The following TAFA1 variants were observed in gnomAD, a reference collection of about 807,000 sequenced individuals.
The protein encoded by TAFA1 is chemokine-like protein TAFA-1.
Under a neutral mutation model 18.5 loss-of-function variants are expected in TAFA1, and 4 were observed. That is an observed-to-expected ratio of 0.22 (90% CI 0.11 to 0.49). TAFA1 has a LOEUF of 0.49. TAFA1 is among the 20% of genes least tolerant of loss of function. The pLI is 0.98. For missense variants in TAFA1, 147 were observed against 169.0 expected (o/e 0.87, Z 0.72); for synonymous variants, 56 against 55.2 (o/e 1.01, Z -0.06).
intron 2 of TAFA1, among the ~76,000 whole-genome samples, chr3:68,018,102 G>A (rs895051897): frequency 2.0e-5 from 3 of 152,148 alleles, no homozygotes; most frequent in Non-Finnish European, 4.4e-5. Context: ...AGAAACTTTT[G>A]TATCATTCCA....
intron 2 of TAFA1, among the ~76,000 whole-genome samples, chr3:68,150,723 A>G (rs755028920): frequency 2.6e-5 from 4 of 152,052 alleles, no homozygotes; most frequent in Non-Finnish European, 4.4e-5. Context: ...GAGTTAGGTT[A>G]TTTTTGATTG....
intron 3 of TAFA1, among the ~76,000 whole-genome samples, chr3:68,461,351 A>G (rs954996475): frequency 3.2e-5 from 4 of 125,506 alleles, no homozygotes; most frequent in Non-Finnish European, 6.5e-5. Context: ...ACCCAGGCCA[A>G]TGAAAGTGCA....
At chr3:68,502,652 G>T (rs2106710321) in intron 3 of TAFA1, among the ~76,000 whole-genome samples, 1 of 151,880 alleles carries the variant, frequency 6.6e-6, no homozygotes, top group Non-Finnish European at 1.5e-5. Flanking sequence ...ATTCCCCCCT[G>T]ATTCTCCCCA....
At chr3:68,114,697 C>T (rs1352543002) in intron 2 of TAFA1, among the ~76,000 whole-genome samples, 2 of 152,156 alleles carry the variant, frequency 1.3e-5, no homozygotes, top group African/African-American at 4.8e-5. Flanking sequence ...AAACATTTTA[C>T]AGACTAGCAA....
chr3:68,237,388 A>T (rs1164107190), intron 2 of TAFA1, among the ~76,000 whole-genome samples: 2 of 152,162 alleles, frequency 1.3e-5, no homozygotes, highest in African/African-American at 2.4e-5. Context: ...ATTTCAACAT[A>T]TGAATTTGGA....
At chr3:68,268,379 A>C (rs763243059) in intron 2 of TAFA1, among the ~76,000 whole-genome samples, 8 of 152,090 alleles carry the variant, frequency 5.3e-5, no homozygotes, top group Admixed American at 4.6e-4. Context: ...GAGACCAAAA[A>C]CGTGTGGCCC....
chr3:68,140,744 TAGTC>T (rs2065659172), intron 2 of TAFA1, among the ~76,000 whole-genome samples: 1 of 152,194 alleles, frequency 6.6e-6, no homozygotes, highest in South Asian at 2.1e-4. Flanking sequence ...TCAGTGGCAA[TAGTC>T]AGTATTAAAC....
chr3:68,517,172 T>TTCATCTCCAA (rs2072935834), intron 3 of TAFA1, among the ~76,000 whole-genome samples: 1 of 152,196 alleles, frequency 6.6e-6, no homozygotes, highest in Admixed American at 6.5e-5. Context: ...CAAAAATATA[T>TTCATCTCCAA]TCATCTCCAA....
intron 2 of TAFA1, among the ~76,000 whole-genome samples, chr3:68,271,135 C>A (rs1446996535): frequency 6.6e-6 from 1 of 152,084 alleles, no homozygotes; most frequent in Non-Finnish European, 1.5e-5. Context: ...CACCCTGCCC[C>A]TTCCCCCTTC....
chr3:68,461,368 T>TATATATATATATATATATAC (rs1415213044), intron 3 of TAFA1, among the ~76,000 whole-genome samples: 1 of 140,426 alleles, frequency 7.1e-6, no homozygotes, highest in Non-Finnish European at 1.5e-5. Flanking sequence ...TGCATATATA[T>TATATATATATATATATATAC]ATATATATAT....
At chr3:68,183,148 G>T (rs899679533) in intron 2 of TAFA1, among the ~76,000 whole-genome samples, 8 of 152,092 alleles carry the variant, frequency 5.3e-5, no homozygotes, top group Non-Finnish European at 1.2e-4. Context: ...GTTTGAGAGG[G>T]CTTTAATTCT....
chr3:68,039,025 C>T (rs1319465249), intron 2 of TAFA1, among the ~76,000 whole-genome samples: 1 of 152,186 alleles, frequency 6.6e-6, no homozygotes, highest in Non-Finnish European at 1.5e-5. Flanking sequence ...TTCTCTAGTA[C>T]ACTATAAACT....
intron 3 of TAFA1, among the ~76,000 whole-genome samples, chr3:68,455,076 C>T (rs1017658387): frequency 6.6e-6 from 1 of 152,042 alleles, no homozygotes; most frequent in Non-Finnish European, 1.5e-5. Flanking sequence ...TGTTTTCTTA[C>T]AATCAAGTAA....
Position 68,457,260 on chromosome 3 carries a change from A to T in TAFA1, c.259+39840A>T, listed in dbSNP as rs570677644. On this transcript the variant is annotated intron_variant, in intron 3 of 4. Coordinates refer to ENST00000478136, the MANE Select transcript of TAFA1 (RefSeq NM_213609.4). The stretch of plus-strand genomic sequence containing the variant: ...TATTCTCTCAACTGTGAATGGCTCC[A>T]TGTATGGCCTGTAAGTGTGTGTGTA... 5.3e-4 allele frequency among the ~76,000 whole-genome samples: 80 copies of T among 152,336 alleles called. No individual in the cohort carries two copies. The Middle Eastern group carries it at 0.014, about 26-fold the overall frequency.
intron 2 of TAFA1, among the ~76,000 whole-genome samples, chr3:68,261,430 A>T (rs895866846): frequency 1.3e-5 from 2 of 152,184 alleles, no homozygotes; most frequent in African/African-American, 4.8e-5. Flanking sequence ...TACCCAAAGG[A>T]TTATAAATCA....
At chr3:68,035,718 A>C (rs1368933676) in intron 2 of TAFA1, among the ~76,000 whole-genome samples, 1 of 152,202 alleles carries the variant, frequency 6.6e-6, no homozygotes, top group Non-Finnish European at 1.5e-5. Flanking sequence ...GTTCACACAA[A>C]AAACATGTGT....
chr3:68,134,267 T>G (rs935442327), intron 2 of TAFA1, among the ~76,000 whole-genome samples: 8 of 151,952 alleles, frequency 5.3e-5, no homozygotes, highest in African/African-American at 1.9e-4. Flanking sequence ...ACACAGTGAG[T>G]TCTGAAAGGA....
Position 68,068,915 on chromosome 3 carries a change from G to A in TAFA1, c.118+62171G>A, listed in dbSNP as rs545684068. 3.3e-5 allele frequency among the ~76,000 whole-genome samples: 5 copies of A among 152,282 alleles called. No homozygotes were observed. In the South Asian group the frequency reaches 6.2e-4, roughly 19 times the overall value. On this transcript the variant is annotated intron_variant, in intron 2 of 4. Transcript: ENST00000478136. ...TATCTGATTTAATCCCCATATTATT[G>A]TATGTGCATAGACTCTAATACAAAG... is the stretch of plus-strand genomic sequence containing the variant.
intron 2 of TAFA1, among the ~76,000 whole-genome samples, chr3:68,289,952 C>T (rs1176230397): frequency 2.0e-5 from 3 of 152,124 alleles, no homozygotes; most frequent in Admixed American, 6.6e-5. Flanking sequence ...AGCAAGTAAG[C>T]GGTAGAACTA....
Sources: gnomAD v4.1 joint callset for allele counts (sites outside exome capture counted in the v4.1 genomes callset) on GRCh38, gnomAD v4.1.1 for gene constraint, MANE v1.5 for transcripts, NCBI Gene and HGNC (gene_info 2026-07-23, HGNC 2026-07-21) for gene names.